Variants in PCP4 observed in about 807,000 individuals in gnomAD.
PCP4 encodes the protein Purkinje cell protein 4, also known as calmodulin regulator protein PCP4.
PCP4 carries 8 observed loss-of-function variants against 10.0 expected under a neutral mutation model. The observed-to-expected ratio is 0.80, with a 90% confidence interval of 0.47 to 1.45. The LOEUF (loss-of-function observed/expected upper bound fraction) is 1.45, where lower values mean the gene tolerates loss of function less well. PCP4 is among the 40% of genes most tolerant of loss of function. The pLI is 0.00. For synonymous variants in PCP4, 21 were observed against 23.0 expected (o/e 0.91, Z 0.24); for missense variants, 54 against 74.4 (o/e 0.73, Z 1.01).
At chr21:39,912,820 C>T (rs2087547366) in intron 2 of PCP4, among the ~76,000 whole-genome samples, 1 of 152,160 alleles carries the variant, frequency 6.6e-6, no homozygotes. Context: ...AGCAATCCTC[C>T]TGTTTCAGCC....
At chr21:39,924,650 C>T (rs998822727) in intron 2 of PCP4, among the ~76,000 whole-genome samples, 9 of 152,198 alleles carry the variant, frequency 5.9e-5, no homozygotes, top group African/African-American at 2.2e-4. Flanking sequence ...TGATCCTCCC[C>T]TCTCAGTCTC....
chr21:39,879,600 C>T (rs1017297767), intron 1 of PCP4, among the ~76,000 whole-genome samples: 7 of 152,146 alleles, frequency 4.6e-5, no homozygotes, highest in Admixed American at 6.5e-5. Flanking sequence ...GCAGTGGCGT[C>T]GGAGGCCCCT....
chr21:39,894,521 A>T (rs186501441), intron 1 of PCP4, among the ~76,000 whole-genome samples: 94 of 152,334 alleles, frequency 6.2e-4, no homozygotes, highest in African/African-American at 2.1e-3. Context: ...TTTAGGGAGA[A>T]CTTGTACTGC....
chr21:39,878,816 C>T (rs976625514), intron 1 of PCP4, among the ~76,000 whole-genome samples: 2 of 152,106 alleles, frequency 1.3e-5, no homozygotes, highest in Non-Finnish European at 2.9e-5. Context: ...TTGAAGTTTG[C>T]TCAGGGGATG....
chr21:39,913,619 C>G (rs1345414481), intron 2 of PCP4, among the ~76,000 whole-genome samples: 1 of 152,168 alleles, frequency 6.6e-6, no homozygotes, highest in Non-Finnish European at 1.5e-5. Flanking sequence ...AAACGAAACA[C>G]AGGACCCATG....
chr21:39,904,931 C>T lies in PCP4; in HGVS notation c.61+6404C>T, dbSNP rs1290237590. On this transcript the variant is annotated intron_variant, in intron 2 of 2. Coordinates refer to ENST00000328619, the MANE Select transcript of PCP4 (RefSeq NM_006198.3). ...GACAACTTTGAGTATCCAGCTGCAA[C>T]GTGTGTCAGAAATGTCAGAAAGGTT... 3.9e-5 allele frequency among the ~76,000 whole-genome samples: 6 copies of T among 152,252 alleles called. No individual in the cohort carries two copies. The East Asian group carries it at 7.7e-4, about 20-fold the overall frequency.
At chr21:39,913,351 T>G in intron 2 of PCP4, among the ~76,000 whole-genome samples, 1 of 152,152 alleles carries the variant, frequency 6.6e-6, no homozygotes, top group East Asian at 1.9e-4. Flanking sequence ...ATTGTGAAGT[T>G]TAACTGTCAC....
At chr21:39,874,341 A>G (rs2087334278) in intron 1 of PCP4, among the ~76,000 whole-genome samples, 1 of 152,142 alleles carries the variant, frequency 6.6e-6, no homozygotes, top group South Asian at 2.1e-4. Flanking sequence ...GTTAAATATT[A>G]TTTACGACGG....
At chr21:39,903,195 G>A (rs892183883) in intron 2 of PCP4, among the ~76,000 whole-genome samples, 1 of 152,136 alleles carries the variant, frequency 6.6e-6, no homozygotes, top group Non-Finnish European at 1.5e-5. Context: ...AATAAACCTC[G>A]TGATGGGGCT....
At chr21:39,909,237 A>G (rs1044458408) in intron 2 of PCP4, among the ~76,000 whole-genome samples, 2 of 152,186 alleles carry the variant, frequency 1.3e-5, no homozygotes, top group African/African-American at 2.4e-5. Context: ...CATGGCTATT[A>G]TGGCATATTG....
intron 1 of PCP4, among the ~76,000 whole-genome samples, chr21:39,869,296 G>A (rs1022451127): frequency 6.6e-6 from 1 of 152,146 alleles, no homozygotes; most frequent in East Asian, 1.9e-4. Flanking sequence ...TCAACTGTGC[G>A]GGTCTCCAGG....
chr21:39,897,896 A>T (rs952508395), intron 1 of PCP4, among the ~76,000 whole-genome samples: 1 of 151,956 alleles, frequency 6.6e-6, no homozygotes, highest in Non-Finnish European at 1.5e-5. Flanking sequence ...AATACAAAAA[A>T]TTAGCCGTAC....
At chr21:39,880,194 A>ATATC (rs1206980883) in intron 1 of PCP4, among the ~76,000 whole-genome samples, 103 of 130,542 alleles carry the variant, frequency 7.9e-4, no homozygotes, top group Middle Eastern at 3.9e-3. Flanking sequence ...ATATCTATCT[A>ATATC]TATCTATTCC....
At chr21:39,873,336 G>A (rs1276752654) in intron 1 of PCP4, among the ~76,000 whole-genome samples, 1 of 151,998 alleles carries the variant, frequency 6.6e-6, no homozygotes, top group African/African-American at 2.4e-5. Flanking sequence ...CACGCGGAAA[G>A]CAAGTTCCAT....
chr21:39,914,317 A>G (rs914743035), intron 2 of PCP4, among the ~76,000 whole-genome samples: 2 of 152,150 alleles, frequency 1.3e-5, no homozygotes, highest in Non-Finnish European at 2.9e-5. Flanking sequence ...GTGGTGGCTC[A>G]TGTCTGTAAT....
intron 1 of PCP4, among the ~76,000 whole-genome samples, chr21:39,889,587 T>C (rs2087419400): frequency 6.7e-6 from 1 of 150,090 alleles, no homozygotes; most frequent in South Asian, 2.1e-4. Context: ...TGGCTAATTT[T>C]TTGTATTTTT....
At chr21:39,889,849 T>A (rs16998839) in intron 1 of PCP4, among the ~76,000 whole-genome samples, 9,046 of 152,306 alleles carry the variant, frequency 0.059, 343 homozygotes, top group East Asian at 0.088. Flanking sequence ...CATTTCATAC[T>A]CTTCAATCTC....
At chr21:39,876,016 T>A (rs929225697) in intron 1 of PCP4, among the ~76,000 whole-genome samples, 2 of 151,878 alleles carry the variant, frequency 1.3e-5, no homozygotes, top group Non-Finnish European at 2.9e-5. Context: ...GTTTCCTTGG[T>A]GTTTGTGCTG....
intron 2 of PCP4, among the ~76,000 whole-genome samples, chr21:39,910,177 C>T (rs1039803887): frequency 1.3e-5 from 2 of 152,174 alleles, no homozygotes; most frequent in Non-Finnish European, 2.9e-5. Flanking sequence ...AAAGTCTCCT[C>T]GGATGTCAGA....
Sources: gnomAD v4.1 joint callset for allele counts (sites outside exome capture counted in the v4.1 genomes callset) on GRCh38, gnomAD v4.1.1 for gene constraint, MANE v1.5 for transcripts, NCBI Gene and HGNC (gene_info 2026-07-23, HGNC 2026-07-21) for gene names.